Variants in MIPEP observed in about 807,000 individuals in gnomAD.
The protein encoded by MIPEP is mitochondrial intermediate peptidase.
Under a neutral mutation model 90.3 loss-of-function variants are expected in MIPEP, and 79 were observed. That is an observed-to-expected ratio of 0.87 (90% CI 0.73 to 1.05). The LOEUF (loss-of-function observed/expected upper bound fraction) is 1.05, where lower values mean the gene tolerates loss of function less well. Ranked by LOEUF, MIPEP falls within the 50% of genes least tolerant of loss-of-function variation. The pLI, the probability that MIPEP is intolerant of heterozygous loss-of-function variation, is 0.00. For missense variants in MIPEP, 940 were observed against 905.6 expected (o/e 1.04, Z -0.49); for synonymous variants, 334 against 315.8 (o/e 1.06, Z -0.61).
intron 14 of MIPEP, among the ~76,000 whole-genome samples, chr13:23,835,098 G>GCAAC (rs1476547989): frequency 6.8e-6 from 1 of 146,258 alleles, no homozygotes; most frequent in African/African-American, 2.5e-5. Flanking sequence ...TCGGCTCACT[G>GCAAC]CAACCTCTGC....
intron 2 of MIPEP, among the ~76,000 whole-genome samples, chr13:23,883,432 C>T (rs1281335551): frequency 6.6e-6 from 1 of 152,160 alleles, no homozygotes; most frequent in Non-Finnish European, 1.5e-5. Context: ...CCCTCAGTAT[C>T]AATGGACAAT....
chr13:23,823,214 G>T (rs535700717), intron 14 of MIPEP, among the ~76,000 whole-genome samples: 1 of 152,284 alleles, frequency 6.6e-6, no homozygotes, highest in Admixed American at 6.5e-5. Flanking sequence ...AGGCTTGGGT[G>T]TGAGTTAGGC....
chr13:23,735,913 C>CAA (rs776366706), intron 18 of MIPEP, among the ~76,000 whole-genome samples: 2 of 151,360 alleles, frequency 1.3e-5, no homozygotes, highest in African/African-American at 4.9e-5. Flanking sequence ...AAAAAAAAAA[C>CAA]AAAAAAAACA....
intron 10 of MIPEP, among the ~76,000 whole-genome samples, chr13:23,850,908 A>C (rs1869771915): frequency 6.6e-6 from 1 of 152,266 alleles, no homozygotes; most frequent in African/African-American, 2.4e-5. Context: ...GAGAGGATCC[A>C]GGTTAGCCCT....
chr13:23,806,708 A>AAC (rs1566000324), intron 15 of MIPEP, among the ~76,000 whole-genome samples: 7 of 148,958 alleles, frequency 4.7e-5, no homozygotes, highest in African/African-American at 1.5e-4. Context: ...ACAACAACAA[A>AAC]AAAATCTATA....
chr13:23,837,457 A>G, intron 13 of MIPEP, 95 bp downstream of exon 13: 1 of 962,690 alleles, frequency 1.0e-6, no homozygotes, highest in Non-Finnish European at 1.6e-6. Flanking sequence ...CGGTAAAATG[A>G]TCACATTTTC....
At chr13:23,853,499 T>C (rs1347395548) in intron 10 of MIPEP, among the ~76,000 whole-genome samples, 2 of 152,046 alleles carry the variant, frequency 1.3e-5, no homozygotes, top group African/African-American at 4.8e-5. Context: ...GTGTGTAGGC[T>C]ATACCCTTAG....
chr13:23,782,053 G>A (rs1952788633), intron 16 of MIPEP, among the ~76,000 whole-genome samples: 1 of 152,118 alleles, frequency 6.6e-6, no homozygotes, highest in Non-Finnish European at 1.5e-5. Context: ...CAACAAGACA[G>A]AAAGTTAACA....
intron 18 of MIPEP, among the ~76,000 whole-genome samples, chr13:23,746,242 G>A (rs61419296): frequency 1.3e-5 from 2 of 151,376 alleles, no homozygotes; most frequent in Non-Finnish European, 2.9e-5. Flanking sequence ...TTGAACTCCG[G>A]ACCTCAGGTG....
Position 23,814,624 on chromosome 13 carries a change from G to A in MIPEP, c.1654-4700C>T, listed in dbSNP as rs568182140. Among the ~76,000 whole-genome samples the A allele has an allele frequency of 3.3e-5, 5 of 152,198 alleles. No homozygotes were observed. The South Asian group carries it at 6.2e-4, about 19-fold the overall frequency. On this transcript the variant is annotated intron_variant, in intron 14 of 18. Coordinates refer to ENST00000382172, the MANE Select transcript of MIPEP (RefSeq NM_005932.4). ...ATTAAGAATGCTATAAATCAAGAAC[G>A]TTTATATTAGCTAATTATGGTAAAG...
intron 18 of MIPEP, among the ~76,000 whole-genome samples, chr13:23,739,140 T>C (rs1470031823): frequency 6.6e-6 from 1 of 152,228 alleles, no homozygotes; most frequent in Non-Finnish European, 1.5e-5. Context: ...TATAATTTAT[T>C]TGGGACACTG....
intron 16 of MIPEP, among the ~76,000 whole-genome samples, chr13:23,769,579 G>T (rs865899067): frequency 6.6e-6 from 1 of 152,166 alleles, no homozygotes; most frequent in African/African-American, 2.4e-5. Context: ...TGTGTGGGGG[G>T]AGGGCTATAA....
intron 18 of MIPEP, among the ~76,000 whole-genome samples, chr13:23,736,283 T>C (rs1034372839): frequency 1.3e-5 from 2 of 152,138 alleles, no homozygotes; most frequent in Non-Finnish European, 2.9e-5. Flanking sequence ...AAGACAAAAT[T>C]GCATCAGGAC....
chr13:23,805,533 T>A (rs1016275960), intron 16 of MIPEP, among the ~76,000 whole-genome samples: 9 of 152,176 alleles, frequency 5.9e-5, no homozygotes, highest in Admixed American at 5.9e-4. Context: ...CTCAACAAGA[T>A]AAGATATGTA....
intron 16 of MIPEP, among the ~76,000 whole-genome samples, chr13:23,784,611 T>G (rs1314408605): frequency 1.3e-5 from 2 of 152,096 alleles, no homozygotes; most frequent in Non-Finnish European, 2.9e-5. Context: ...CCAAAAGCAA[T>G]GGCAACAAAA....
intron 16 of MIPEP, among the ~76,000 whole-genome samples, chr13:23,796,978 T>G (rs947404429): frequency 7.9e-5 from 12 of 152,334 alleles, no homozygotes; most frequent in African/African-American, 2.6e-4. Flanking sequence ...ATAAGTGATG[T>G]TTCAAGCCAC....
intron 7 of MIPEP, among the ~76,000 whole-genome samples, chr13:23,868,802 G>A (rs1226695125): frequency 3.3e-5 from 5 of 152,196 alleles, no homozygotes; most frequent in African/African-American, 1.2e-4. Flanking sequence ...CACAAGGCAA[G>A]TTTATGACAA....
intron 14 of MIPEP, among the ~76,000 whole-genome samples, chr13:23,824,409 T>G (rs1017623431): frequency 5.9e-5 from 9 of 152,344 alleles, no homozygotes; most frequent in Middle Eastern, 3.4e-3. Context: ...CTTGTTATGG[T>G]GGTAATTCAA....
chr13:23,738,201 T>C (rs1361926032), intron 18 of MIPEP, among the ~76,000 whole-genome samples: 1 of 152,238 alleles, frequency 6.6e-6, no homozygotes, highest in Non-Finnish European at 1.5e-5. Context: ...GAAGATGTTA[T>C]ATATCAAGCT....
Sources: allele counts gnomAD v4.1 joint callset (sites outside exome capture counted in the v4.1 genomes callset), GRCh38; gene constraint gnomAD v4.1.1; transcripts MANE v1.5; gene names NCBI Gene and HGNC (gene_info 2026-07-23, HGNC 2026-07-21).